KIAA0586: variants seen among roughly 807,000 people sequenced by gnomAD.
KIAA0586 encodes the protein KIAA0586, also known as protein TALPID3.
In KIAA0586, 144 loss-of-function variants were observed where a neutral mutation model predicts 169.8. The observed-to-expected ratio is 0.85, with a 90% CI of 0.74 to 0.97. The LOEUF (loss-of-function observed/expected upper bound fraction) is 0.97. Ranked by LOEUF, KIAA0586 falls within the 50% of genes least tolerant of loss-of-function variation. KIAA0586 has a pLI of 0.00. For missense variants in KIAA0586, 1,854 were observed against 1,823.0 expected, an observed-to-expected ratio of 1.02 and a Z score of -0.31; for synonymous variants, 625 against 612.4, an observed-to-expected ratio of 1.02 and a Z score of -0.30.
At chr14:58,552,282 GGGGTAGATTTTAAGT>G (rs1252432207), downstream of KIAA0586, among the ~76,000 whole-genome samples, 1 of 152,174 alleles carries the variant, frequency 6.6e-6, no homozygotes, top group Non-Finnish European at 1.5e-5. Flanking sequence ...AGGAGAATGA[GGGGTAGATTTTAAGT>G]GTCAGACTGT....
intron 4 of KIAA0586, among the ~76,000 whole-genome samples, chr14:58,434,267 T>C (rs1297390438): frequency 2.0e-5 from 3 of 152,210 alleles, no homozygotes; most frequent in African/African-American, 7.2e-5. Context: ...AAGAATACTG[T>C]GTACATGAAT....
chr14:58,431,819 T>G (rs2037397951), intron 3 of KIAA0586, among the ~76,000 whole-genome samples: 1 of 152,198 alleles, frequency 6.6e-6, no homozygotes, highest in Non-Finnish European at 1.5e-5. Context: ...GAATTTTATT[T>G]TTTGTGTGCC....
At chr14:58,431,411 C>T (rs2037360225) in intron 3 of KIAA0586, among the ~76,000 whole-genome samples, 1 of 151,930 alleles carries the variant, frequency 6.6e-6, no homozygotes, top group Non-Finnish European at 1.5e-5. Flanking sequence ...TACAGGTGCA[C>T]ACCACCACAC....
chr14:58,429,721 C>T (rs2037201937), intron 2 of KIAA0586, among the ~76,000 whole-genome samples: 1 of 151,916 alleles, frequency 6.6e-6, no homozygotes, highest in Non-Finnish European at 1.5e-5. Flanking sequence ...GTGTTCTTGC[C>T]CAGAGACTTA....
At chr14:58,507,238 G>A (rs2044034176) in intron 27 of KIAA0586, among the ~76,000 whole-genome samples, 1 of 38,092 alleles carries the variant, frequency 2.6e-5, no homozygotes, top group Non-Finnish European at 5.3e-5. Context: ...CTATATGTAT[G>A]ATTTATATAT....
chr14:58,475,897 C>G (rs543473255), intron 19 of KIAA0586, among the ~76,000 whole-genome samples: 8 of 152,016 alleles, frequency 5.3e-5, no homozygotes, highest in African/African-American at 1.7e-4. Context: ...GTCAGGAGTT[C>G]GAGACCAGCC....
intron 4 of KIAA0586, among the ~76,000 whole-genome samples, chr14:58,437,541 T>C (rs546806914): frequency 6.6e-6 from 1 of 151,494 alleles, no homozygotes; most frequent in Non-Finnish European, 1.5e-5. Context: ...CAAGACCCCA[T>C]CTCTAAAAAC....
Position 58,429,617 on chromosome 14 carries a change from C to CT in KIAA0586, c.270+186dup, listed in dbSNP as rs535105250. Among the ~76,000 whole-genome samples the CT allele has an allele frequency of 2.6e-5, 4 of 152,186 alleles. No individual in the cohort carries two copies. In the East Asian group the frequency reaches 7.7e-4, roughly 29 times the overall value. On this transcript the variant is annotated intron_variant, in intron 2 of 30. Coordinates refer to ENST00000652326, the MANE Select transcript of KIAA0586 (RefSeq NM_001329943.3). Reference sequence around the variant, plus strand: ...GTGTTTGAGACATTAAACAAAAGGCCTTCCCTAGAATCAAAAATACCTATT... The same window carrying CT: ...GTGTTTGAGACATTAAACAAAAGGCCTTTCCCTAGAATCAAAAATACCTATT...
the KIAA0586 span, among the ~76,000 whole-genome samples, chr14:58,561,401 A>G: frequency 2.0e-5 from 3 of 152,192 alleles, no homozygotes; most frequent in African/African-American, 7.2e-5. Context: ...GGTTTTTTTG[A>G]TACTCATTAA....
chr14:58,428,188 A>G lies in KIAA0586; in HGVS notation c.-77A>G. 1 of 1,522,142 alleles carries G rather than the reference A, an allele frequency of 6.6e-7. No homozygotes were observed. The highest frequency in any genetic ancestry group is 8.8e-7 in the Non-Finnish European group (1 of 1,138,092). 94.3% of individuals were successfully genotyped at this position (1,522,142 alleles called of 1,614,324 possible). On this transcript the variant is annotated 5_prime_UTR_variant, in exon 1 of 31. Transcript: ENST00000652326. Reference sequence around the variant, plus strand: ...AAACAGTTATTGCAAAGAGGTGAAAATTTTGTTCTGAAGTCTTAAGGAAAC... The same window carrying G: ...AAACAGTTATTGCAAAGAGGTGAAAGTTTTGTTCTGAAGTCTTAAGGAAAC...
At chr14:58,522,798 G>T (rs28711143) in intron 29 of KIAA0586, among the ~76,000 whole-genome samples, 40,227 of 151,982 alleles carry the variant, frequency 0.26, 5,406 homozygotes, top group East Asian at 0.36. Flanking sequence ...TTCTTATAGT[G>T]CTGAAAAATA....
At chr14:58,429,024 G>A (rs1017773320) in intron 1 of KIAA0586, among the ~76,000 whole-genome samples, 1 of 152,174 alleles carries the variant, frequency 6.6e-6, no homozygotes, top group Non-Finnish European at 1.5e-5. Flanking sequence ...ATACAGCGGT[G>A]ACACTCAAAT....
At chr14:58,485,982 T>C (rs1385381337) in intron 21 of KIAA0586, among the ~76,000 whole-genome samples, 4 of 152,182 alleles carry the variant, frequency 2.6e-5, no homozygotes, top group Non-Finnish European at 5.9e-5. Flanking sequence ...ATTTTTAAAA[T>C]TTCAGCTTTT....
intron 14 of KIAA0586, among the ~76,000 whole-genome samples, chr14:58,463,657 T>C (rs1286349693): frequency 6.6e-6 from 1 of 151,868 alleles, no homozygotes; most frequent in African/African-American, 2.4e-5. Context: ...CTAGATCCTG[T>C]CTCTACAATA....
At chr14:58,498,652 T>C in intron 26 of KIAA0586, 131 bp from the exon 27 acceptor site, 1 of 636,760 alleles carries the variant, frequency 1.6e-6, no homozygotes, top group Non-Finnish European at 2.5e-6. Context: ...AATGTATATG[T>C]GGCATAGAAG....
At chr14:58,440,977 G>C (rs775293967) in intron 4 of KIAA0586, 1 of 171,584 alleles carries the variant, frequency 5.8e-6, no homozygotes, top group Non-Finnish European at 1.3e-5. Flanking sequence ...AAATTGCTAA[G>C]ACAGTAGATC....
At chr14:58,427,544 T>A, upstream of KIAA0586, 1 of 1,514,582 alleles carries the variant, frequency 6.6e-7, no homozygotes, top group Admixed American at 2.0e-5. Flanking sequence ...AATAAATAAA[T>A]AAATAAACCC....
chr14:58,510,638 A>G (rs916241286), intron 28 of KIAA0586, among the ~76,000 whole-genome samples: 1 of 152,184 alleles, frequency 6.6e-6, no homozygotes, highest in African/African-American at 2.4e-5. Flanking sequence ...CTCAAGAGAA[A>G]CTAAAACATA....
At chr14:58,457,092 T>C (rs1436106238) in intron 10 of KIAA0586, among the ~76,000 whole-genome samples, 1 of 152,184 alleles carries the variant, frequency 6.6e-6, no homozygotes, top group Non-Finnish European at 1.5e-5. Context: ...GTGAATGGAC[T>C]TCATTTATCC....
Sources: gnomAD v4.1 joint callset for allele counts (sites outside exome capture counted in the v4.1 genomes callset) on GRCh38, gnomAD v4.1.1 for gene constraint, MANE v1.5 for transcripts, NCBI Gene and HGNC (gene_info 2026-07-23, HGNC 2026-07-21) for gene names.